Variants in CFHR5 observed in about 807,000 individuals in gnomAD.
The protein encoded by CFHR5 is complement factor H-related protein 5.
A neutral mutation model predicts 62.9 loss-of-function variants in CFHR5; 73 were observed. That is an observed-to-expected ratio of 1.16 (90% CI 0.96 to 1.41). The LOEUF (loss-of-function observed/expected upper bound fraction) is 1.41, where lower values mean the gene tolerates loss of function less well. Among genes scored for constraint, CFHR5 ranks in the 40% most tolerant of loss-of-function variants. The probability of loss-of-function intolerance (pLI) is 0.00; values close to 1 mark genes in which losing one functional copy is unlikely to be tolerated. For missense variants in CFHR5, 779 were observed against 679.9 expected (o/e 1.15, Z -1.62); for synonymous variants, 249 against 227.2 (o/e 1.10, Z -0.86).
chr1:196,986,569 C>T (rs951812866), intron 3 of CFHR5, among the ~76,000 whole-genome samples: 9 of 152,040 alleles, frequency 5.9e-5, no homozygotes, highest in Non-Finnish European at 1.0e-4. Flanking sequence ...CACCCTGTGT[C>T]CAAGTGTTCC....
intron 1 of CFHR5, among the ~76,000 whole-genome samples, chr1:196,979,109 C>T (rs925689849): frequency 6.6e-6 from 1 of 152,014 alleles, no homozygotes; most frequent in Non-Finnish European, 1.5e-5. Context: ...ATGAATCAAG[C>T]AATATATTGT....
intron 3 of CFHR5, among the ~76,000 whole-genome samples, chr1:196,990,201 T>G (rs911820626): frequency 6.6e-6 from 1 of 152,140 alleles, no homozygotes. Context: ...CCCTGCTTTT[T>G]TTTTTCCTTT....
intron 3 of CFHR5, among the ~76,000 whole-genome samples, chr1:196,990,518 T>C (rs189650195): frequency 2.0e-5 from 3 of 152,124 alleles, no homozygotes; most frequent in Non-Finnish European, 2.9e-5. Context: ...CCGGTTGTTC[T>C]TTTTCATGTT....
intron 8 of CFHR5, 89 bp from the exon 9 acceptor site, chr1:197,004,572 C>A: frequency 9.6e-7 from 1 of 1,037,568 alleles, no homozygotes; most frequent in East Asian, 2.4e-5. Context: ...TTCCAGACAC[C>A]TTATATTAAA....
chr1:196,983,997 C>T lies in CFHR5; in HGVS notation c.290C>T (p.Ser97Phe). The T allele has an allele frequency of 6.2e-7, 1 of 1,611,902 alleles. No homozygotes were observed. Among genetic ancestry groups the T allele is most frequent in the Non-Finnish European group, 8.5e-7 (1 of 1,178,638 alleles). Reference protein sequence around the residue: ...CSFPFVKNGHSESSGLIHLEG... With the variant: ...CSFPFVKNGHFESSGLIHLEG... ...TTTCCTTTTGTGAAAAATGGTCATT[C>T]TGAATCTTCAGGACTAATACATCTG... is the stretch of plus-strand genomic sequence containing the variant. Residue 97 changes from serine to phenylalanine, a missense_variant, in exon 3 of 10, where the codon TCT becomes TTT. Transcript: ENST00000256785.
At chr1:197,007,752 T>A (rs1654327413) in intron 9 of CFHR5, among the ~76,000 whole-genome samples, 1 of 147,432 alleles carries the variant, frequency 6.8e-6, no homozygotes, top group East Asian at 1.9e-4. Context: ...TATGTATACA[T>A]ATAATATACA....
upstream of CFHR5, among the ~76,000 whole-genome samples, chr1:196,976,160 A>G (rs531296431): frequency 6.6e-6 from 1 of 152,280 alleles, no homozygotes; most frequent in African/African-American, 2.4e-5. Flanking sequence ...GGAGACTACT[A>G]ATAGCTCACA....
chr1:196,985,278 C>G (rs1249884552), intron 3 of CFHR5, among the ~76,000 whole-genome samples: 2 of 152,144 alleles, frequency 1.3e-5, no homozygotes. Context: ...GAGTTCAAAG[C>G]TTCAGTGAGT....
intron 4 of CFHR5, 136 bp downstream of exon 4, chr1:196,994,392 A>T (rs964741951): frequency 1.4e-6 from 1 of 721,316 alleles, no homozygotes. Context: ...ATGCAGTTCT[A>T]TAGTAATTGA....
Position 196,996,085 on chromosome 1 carries a change from C to CTCCAACATGTTG in CFHR5, c.857_858insAACATGTTGTCC (p.Pro286_Tyr287insThrCysCysPro). On this transcript the variant is annotated inframe_insertion, in exon 6 of 10. Coordinates refer to ENST00000256785, the MANE Select transcript of CFHR5 (RefSeq NM_030787.4). ...TACGGTTATGTTCAGCCGTCTGTCC[C>CTCCAACATGTTG]TCCCTATCAACATGGAGTTTCAGTC... 6.2e-7 allele frequency: 1 copy of CTCCAACATGTTG among 1,613,796 alleles called. No individual in the cohort carries two copies. Among genetic ancestry groups the CTCCAACATGTTG allele is most frequent in the East Asian group, 2.2e-5 (1 of 44,860 alleles).
In CFHR5 at chr1:196,977,562, T is replaced by C. The variant is rs750391954; in HGVS notation, c.-103T>C. The C allele has an allele frequency of 2.6e-5, 25 of 958,954 alleles. No individual in the cohort carries two copies. The highest frequency in any genetic ancestry group is 2.1e-4 in the Middle Eastern group (1 of 4,794). The allele number at this position is 958,954 out of a possible 1,614,324, so 59.4% of individuals were successfully genotyped here. A position where few individuals can be genotyped will look rare whatever the true frequency, so the allele number is the denominator to read the frequency against. On this transcript the variant is annotated 5_prime_UTR_variant, in exon 1 of 10. Coordinates refer to ENST00000256785, the MANE Select transcript of CFHR5 (RefSeq NM_030787.4). ...ACTAAACTAGCTTCCCCTTAGTACATTGAAATTCAAAGTCATGCTTGTAAC... is the reference window on the plus strand; with the variant it reads ...ACTAAACTAGCTTCCCCTTAGTACACTGAAATTCAAAGTCATGCTTGTAAC...
chr1:196,995,656 C>A, intron 4 of CFHR5, 61 bp from the exon 5 acceptor site: 2 of 1,435,060 alleles, frequency 1.4e-6, no homozygotes, highest in Non-Finnish European at 2.0e-6. Context: ...AATTTAGTAA[C>A]TCCACATTTT....
chr1:196,978,814 GA>G (rs1461971063), intron 1 of CFHR5, among the ~76,000 whole-genome samples: 1 of 152,132 alleles, frequency 6.6e-6, no homozygotes, highest in Non-Finnish European at 1.5e-5. Context: ...ATTACACAAG[GA>G]TTTCTAAAGG....
chr1:197,008,815 T>C lies in CFHR5; in HGVS notation c.*132T>C. 1 of 778,488 alleles carries C rather than the reference T, an allele frequency of 1.3e-6. No homozygotes were observed. Among genetic ancestry groups the C allele is most frequent in the South Asian group, 1.6e-5 (1 of 63,956 alleles). 48.2% of individuals were successfully genotyped at this position (778,488 alleles called of 1,614,324 possible). A position where few individuals can be genotyped will look rare whatever the true frequency, so the allele number is the denominator to read the frequency against. On this transcript the variant is annotated 3_prime_UTR_variant, in exon 10 of 10. Coordinates refer to ENST00000256785, the MANE Select transcript of CFHR5 (RefSeq NM_030787.4). ...TTTAACTCAGTTTTATTTAGAACTC[T>C]GGATTTTTAGAGCTTTAGAAATTTG...
intron 7 of CFHR5, among the ~76,000 whole-genome samples, chr1:196,999,683 GTATATATATATA>G (rs35191504): frequency 0.016 from 1,772 of 110,640 alleles, 42 homozygotes; most frequent in East Asian, 0.03. Context: ...TTGGGAAAAA[GTATATATATATA>G]TATATATATA....
chr1:196,994,176 G>GA lies in CFHR5; in HGVS notation c.533dup (p.Asn178LysfsTer20), dbSNP rs746586384. On this transcript the variant is annotated frameshift_variant, in exon 4 of 10. Transcript: ENST00000256785. LOFTEE classifies it high-confidence loss of function. ...GGAGACGTGTTGAAATTCTCCTGCA[G>GA]AAAAAATCTTATAAGAGTTGGATCA... 39 of 1,613,522 alleles carry GA rather than the reference G, an allele frequency of 2.4e-5. 1 individual carries two copies. Among genetic ancestry groups the GA allele is most frequent in the South Asian group, 2.2e-4 (20 of 91,024 alleles).
At chr1:196,983,127 G>C in intron 2 of CFHR5, 48 bp downstream of exon 2, 1 of 1,610,722 alleles carries the variant, frequency 6.2e-7, no homozygotes, top group Admixed American at 1.7e-5. Context: ...AGTGAATAGA[G>C]AAGGATGTGC....
In CFHR5 at chr1:196,997,375, G is replaced by T. The variant is rs139787234; in HGVS notation, c.971-753G>T. 2.8e-3 allele frequency among the ~76,000 whole-genome samples: 432 copies of T among 152,118 alleles called. 5 individuals are homozygous for T. Among genetic ancestry groups the T allele is most frequent in the African/African-American group, 0.01 (417 of 41,462 alleles). On this transcript the variant is annotated intron_variant, in intron 6 of 9. Transcript: ENST00000256785. ...AATATCAACCTCTAGCCCCATATGG[G>T]GTGAATTAAAAATAGAAACTATTGC...
chr1:196,990,254 C>T (rs999091490), intron 3 of CFHR5, among the ~76,000 whole-genome samples: 2 of 151,852 alleles, frequency 1.3e-5, no homozygotes, highest in African/African-American at 2.4e-5. Flanking sequence ...TATTTTGAGC[C>T]TATGTGTGTC....
Sources: gnomAD v4.1 joint callset for allele counts (sites outside exome capture counted in the v4.1 genomes callset) on GRCh38, gnomAD v4.1.1 for gene constraint, MANE v1.5 for transcripts, NCBI Gene and HGNC (gene_info 2026-07-23, HGNC 2026-07-21) for gene names.